The following CLK3 variants were observed in gnomAD, a reference collection of about 807,000 sequenced individuals.
CLK3 encodes dual specificity protein kinase CLK3.
In CLK3, 24 loss-of-function variants were observed where a neutral mutation model predicts 65.2. The ratio of observed to expected loss-of-function variants is 0.37; its 90% CI spans 0.27 to 0.52. The LOEUF is 0.52. Ranked by LOEUF, CLK3 falls within the 20% of genes least tolerant of loss-of-function variation. The pLI, the probability that CLK3 is intolerant of heterozygous loss-of-function variation, is 0.92. For synonymous variants in CLK3, 252 were observed against 240.8 expected, an observed-to-expected ratio of 1.05 and a Z score of -0.43; for missense variants, 506 against 660.0, an observed-to-expected ratio of 0.77 and a Z score of 2.56.
chr15:74,615,405 C>T (rs2062044429), upstream of CLK3: 2 of 1,242,184 alleles, frequency 1.6e-6, no homozygotes, highest in South Asian at 6.3e-5. Context: ...TCCCGAGCTC[C>T]GGCACACAGA....
rs550108571 is a variant in CLK3 at position 74,622,913 on chromosome 15, C to G, written c.533+353C>G. 1.3e-5 allele frequency among the ~76,000 whole-genome samples: 2 copies of G among 152,312 alleles called. No homozygotes were observed. Among genetic ancestry groups the G allele is most frequent in the South Asian group, 4.1e-4 (2 of 4,824 alleles). On this transcript the variant is annotated intron_variant, in intron 5 of 12. Transcript: ENST00000395066. This position sits in a 1 kb window ranked among gnomAD's most constrained non-coding sequence, Gnocchi z 4.6. ...TGCTTCCTGTGATAACTTTTAGGTT[C>G]TTGGCTTAGCAAGGGGCTAGGAGTA...
chr15:74,609,465 C>A (rs1031087914), intron 1 of CLK3, among the ~76,000 whole-genome samples: 1 of 152,272 alleles, frequency 6.6e-6, no homozygotes, highest in Non-Finnish European at 1.5e-5. Context: ...AGCCCCTTGC[C>A]CTACATTGGA....
chr15:74,615,932 C>G, intron 1 of CLK3, 34 bp downstream of exon 1: 1 of 1,217,212 alleles, frequency 8.2e-7, no homozygotes, highest in Non-Finnish European at 1.0e-6. Flanking sequence ...GCGGCGACAG[C>G]GGCGGCGGCG....
At chr15:74,614,657 A>T (rs556368428), upstream of CLK3, among the ~76,000 whole-genome samples, 5 of 152,326 alleles carry the variant, frequency 3.3e-5, no homozygotes, top group African/African-American at 4.8e-5. Flanking sequence ...GCGCAGCCGC[A>T]GCTCGGAAGC....
intron 10 of CLK3, among the ~76,000 whole-genome samples, chr15:74,628,370 A>G (rs2062160576): frequency 1.3e-5 from 2 of 152,144 alleles, no homozygotes; most frequent in African/African-American, 4.8e-5. Context: ...TGTTCTGGGC[A>G]GGGAGTGAAG....
upstream of CLK3, chr15:74,615,675 G>C (rs2062049012): frequency 8.0e-6 from 10 of 1,245,882 alleles, no homozygotes; most frequent in South Asian, 2.3e-4. Flanking sequence ...CCCGGAACTA[G>C]TCTCCTAGGC....
chr15:74,626,991 C>A (rs536493356), intron 7 of CLK3: 105 of 469,870 alleles, frequency 2.2e-4, no homozygotes, highest in Non-Finnish European at 3.7e-4. Context: ...TTGCAAAGGG[C>A]CCTGCAAATT....
rs1388708183 is a variant in CLK3 at position 74,622,664 on chromosome 15, T to C, written c.533+104T>C. ...CAGCTATCAGAGCTTAACTTTTTTC[T>C]TTTTGAAGGGTGGCATCAAAGTAGG... On this transcript the variant is annotated intron_variant, in intron 5 of 12. Transcript: ENST00000395066. The surrounding 1 kb of genome is among the most constrained non-coding windows in gnomAD (Gnocchi z 4.6). The C allele has an allele frequency of 4.6e-6, 4 of 877,244 alleles. No individual in the cohort carries two copies. Among genetic ancestry groups the C allele is most frequent in the African/African-American group, 1.7e-5 (1 of 59,282 alleles). 54.3% of individuals were successfully genotyped at this position (877,244 alleles called of 1,614,324 possible). A position where few individuals can be genotyped will look rare whatever the true frequency, so the allele number is the denominator to read the frequency against.
chr15:74,621,639 G>A lies in CLK3; in HGVS notation c.370-481G>A, dbSNP rs2062104293. On this transcript the variant is annotated intron_variant, in intron 3 of 12. Coordinates refer to ENST00000395066, the MANE Select transcript of CLK3 (RefSeq NM_001130028.2). This position sits in a 1 kb window ranked among gnomAD's most constrained non-coding sequence, Gnocchi z 4.8. Reference sequence around the variant, plus strand: ...AGCCGGAGCAGCCGCTGACCAGTCTGGATGGTTGGACCCAGGCGGGGCCAG... The same window carrying A: ...AGCCGGAGCAGCCGCTGACCAGTCTAGATGGTTGGACCCAGGCGGGGCCAG... 1 of 302,336 alleles carries A rather than the reference G, an allele frequency of 3.3e-6. No homozygotes were observed. The highest frequency in any genetic ancestry group is 6.6e-6 in the Non-Finnish European group (1 of 152,474). 18.7% of individuals were successfully genotyped at this position (302,336 alleles called of 1,614,324 possible). A position where few individuals can be genotyped will look rare whatever the true frequency, so the allele number is the denominator to read the frequency against.
chr15:74,610,675 C>T (rs151121363), intron 1 of CLK3, among the ~76,000 whole-genome samples: 17 of 152,350 alleles, frequency 1.1e-4, no homozygotes, highest in Admixed American at 6.5e-4. Flanking sequence ...CAGCTGGGCC[C>T]GAGATACACC....
intron 1 of CLK3, among the ~76,000 whole-genome samples, chr15:74,616,226 C>G (rs1337229064): frequency 1.3e-5 from 2 of 152,232 alleles, no homozygotes; most frequent in Admixed American, 6.5e-5. Context: ...CCTTCAGACC[C>G]CTCCCCTACC....
Position 74,620,062 on chromosome 15 carries a change from C to T in CLK3, c.206C>T (p.Thr69Ile), listed in dbSNP as rs141991982. 118 of 1,614,104 alleles carry T rather than the reference C, an allele frequency of 7.3e-5. No individual in the cohort carries two copies. The highest frequency in any genetic ancestry group is 9.7e-5 in the Non-Finnish European group (115 of 1,180,054). ...RRYRERRDSD[T>I]YRCEERSPSF... ...TACCGGGAGCGCCGTGACAGCGATA[C>T]ATACCGGTGTGAAGAGCGGAGCCCA... is the stretch of plus-strand genomic sequence containing the variant. Residue 69 changes from threonine (T) to isoleucine (I), a missense_variant, in exon 3 of 13, where the codon ACA (threonine) becomes ATA (isoleucine). Physicochemically the swap from Thr to Ile is moderately conservative, Grantham distance 89 (BLOSUM62 -1). Transcript: ENST00000395066.
intron 1 of CLK3, among the ~76,000 whole-genome samples, chr15:74,617,356 A>T (rs2141537181): frequency 6.6e-6 from 1 of 152,330 alleles, no homozygotes; most frequent in African/African-American, 2.4e-5. Flanking sequence ...GTTACCTGGA[A>T]CTTTCAGATG....
rs2062099156 is a variant in CLK3 at position 74,621,145 on chromosome 15, T to TA, written c.369+920_369+921insA. 1 of 152,536 alleles carries TA rather than the reference T, an allele frequency of 6.6e-6. No homozygotes were observed. Among genetic ancestry groups the TA allele is most frequent in the Non-Finnish European group, 1.5e-5 (1 of 68,254 alleles). 9.4% of individuals were successfully genotyped at this position (152,536 alleles called of 1,614,324 possible). A position where few individuals can be genotyped will look rare whatever the true frequency, so the allele number is the denominator to read the frequency against. On this transcript the variant is annotated intron_variant, in intron 3 of 12. Transcript: ENST00000395066. This position sits in a 1 kb window ranked among gnomAD's most constrained non-coding sequence, Gnocchi z 4.8. Reference sequence around the variant, plus strand: ...TCTCTGCCCAGCGCTTTCTGTGACTTCTTTGAGTGGCTACAGGTTGAGGGT... The same window carrying TA: ...TCTCTGCCCAGCGCTTTCTGTGACTTACTTTGAGTGGCTACAGGTTGAGGGT...
intron 10 of CLK3, among the ~76,000 whole-genome samples, chr15:74,628,303 CCTT>C (rs1433505467): frequency 6.9e-6 from 1 of 144,888 alleles, no homozygotes; most frequent in Non-Finnish European, 1.5e-5. Context: ...GGTGACCTGA[CCTT>C]CTAGATAAGG....
chr15:74,624,686 T>C lies in CLK3; in HGVS notation c.534-216T>C, dbSNP rs2062130104. The C allele has an allele frequency of 1.7e-6, 1 of 592,346 alleles. No individual in the cohort carries two copies. Among genetic ancestry groups the C allele is most frequent in the African/African-American group, 1.9e-5 (1 of 53,686 alleles). 36.7% of individuals were successfully genotyped at this position (592,346 alleles called of 1,614,324 possible). On this transcript the variant is annotated intron_variant, in intron 5 of 12. Coordinates refer to ENST00000395066, the MANE Select transcript of CLK3 (RefSeq NM_001130028.2). The surrounding 1 kb of genome is among the most constrained non-coding windows in gnomAD (Gnocchi z 4.2). Reference sequence around the variant, plus strand: ...CATAAAAGCCTAAGGATGGCAAGGATGCTAAGAGCATTAACTCACAGATCT... The same window carrying C: ...CATAAAAGCCTAAGGATGGCAAGGACGCTAAGAGCATTAACTCACAGATCT...
In CLK3 at chr15:74,622,409, T is replaced by G; in HGVS notation, c.467-85T>G. The stretch of plus-strand genomic sequence containing the variant: ...AGTGAGAGAGAAACCTTTTTTGTTT[T>G]TGAGAATTTGAATGCTGTGAACTTG... On this transcript the variant is annotated intron_variant, in intron 4 of 12. Transcript: ENST00000395066. The surrounding 1 kb of genome is among the most constrained non-coding windows in gnomAD (Gnocchi z 4.6). 1 of 1,180,072 alleles carries G rather than the reference T, an allele frequency of 8.5e-7. No homozygotes were observed. Among genetic ancestry groups the G allele is most frequent in the Non-Finnish European group, 1.2e-6 (1 of 815,996 alleles). 73.1% of individuals were successfully genotyped at this position (1,180,072 alleles called of 1,614,324 possible). A position where few individuals can be genotyped will look rare whatever the true frequency, so the allele number is the denominator to read the frequency against.
At chr15:74,623,414 C>T (rs1289304167) in intron 5 of CLK3, among the ~76,000 whole-genome samples, 1 of 152,238 alleles carries the variant, frequency 6.6e-6, no homozygotes, top group African/African-American at 2.4e-5. Context: ...CTCCAGTTAA[C>T]AGCAGAGCTG....
chr15:74,621,211 T>C lies in CLK3; in HGVS notation c.370-909T>C, dbSNP rs1270776528. 6.6e-6 allele frequency: 1 copy of C among 152,622 alleles called. No individual in the cohort carries two copies. Among genetic ancestry groups the C allele is most frequent in the African/African-American group, 2.4e-5 (1 of 41,438 alleles). The allele number at this position is 152,622 out of a possible 1,614,324, so 9.5% of individuals were successfully genotyped here. A position where few individuals can be genotyped will look rare whatever the true frequency, so the allele number is the denominator to read the frequency against. On this transcript the variant is annotated intron_variant, in intron 3 of 12. Coordinates refer to ENST00000395066, the MANE Select transcript of CLK3 (RefSeq NM_001130028.2). The surrounding 1 kb of genome is among the most constrained non-coding windows in gnomAD (Gnocchi z 4.8). ...TTGCAGCGTGGCCCTTTCACCTCTT[T>C]GCACACTGCCACATGCTGCCACAGG...
Sources: allele counts gnomAD v4.1 joint callset (sites outside exome capture counted in the v4.1 genomes callset), GRCh38; gene constraint gnomAD v4.1.1; non-coding constraint Gnocchi (gnomAD v3.1); transcripts MANE v1.5; gene names NCBI Gene and HGNC (gene_info 2026-07-23, HGNC 2026-07-21).